The following CEP250 variants were observed in gnomAD, a reference collection of about 807,000 sequenced individuals.
The protein encoded by CEP250 is centrosomal protein 250.
CEP250 carries 242 observed loss-of-function variants against 315.7 expected under a neutral mutation model. The observed-to-expected ratio is 0.77, with a 90% CI of 0.69 to 0.85. The LOEUF (loss-of-function observed/expected upper bound fraction) is 0.85, where lower values mean the gene tolerates loss of function less well. Ranked by LOEUF, CEP250 falls within the 40% of genes least tolerant of loss-of-function variation. The pLI, the probability that CEP250 is intolerant of heterozygous loss-of-function variation, is 0.00. For synonymous variants in CEP250, 1,088 were observed against 1,175.0 expected, an observed-to-expected ratio of 0.93 and a Z score of 1.51; for missense variants, 2,515 against 2,886.4, an observed-to-expected ratio of 0.87 and a Z score of 2.95.
intron 34 of CEP250, 58 bp from the exon 35 acceptor site, chr20:35,511,305 G>C: frequency 6.9e-7 from 1 of 1,446,150 alleles, no homozygotes; most frequent in Non-Finnish European, 9.4e-7. Context: ...AGGAAGAGCT[G>C]GGACAACTTC....
chr20:35,507,984 C>G (rs779371018), intron 31 of CEP250, 51 bp from the exon 32 acceptor site: 1 of 1,611,432 alleles, frequency 6.2e-7, no homozygotes, highest in Non-Finnish European at 8.5e-7. Context: ...CTGTCTGTTC[C>G]CTACCTGTCT....
Position 35,480,070 on chromosome 20 carries a change from GC to G in CEP250, c.2512del (p.Gln838LysfsTer18), listed in dbSNP as rs757158876. The G allele has an allele frequency of 2.5e-6, 4 of 1,613,100 alleles. No homozygotes were observed. The Admixed American group carries it at 6.7e-5, about 27-fold the overall frequency. The stretch of plus-strand genomic sequence containing the variant: ...CAGCCAGACAGCTGGCCCAGGCTGA[GC>G]AAGAAGGGAAGACTGCCTTGGAGCA... ...AAARQLAQAE[Q>X]EGKTALEQQK... On this transcript the variant is annotated frameshift_variant, in exon 20 of 35. Coordinates refer to ENST00000397527, the MANE Select transcript of CEP250 (RefSeq NM_007186.6). LOFTEE classifies it high-confidence loss of function.
At chr20:35,458,959 TG>T (rs1194655108) in intron 2 of CEP250, among the ~76,000 whole-genome samples, 2 of 141,592 alleles carry the variant, frequency 1.4e-5, no homozygotes, top group East Asian at 4.1e-4. Context: ...TTTGCTATAA[TG>T]CAAATCTTTT....
intron 20 of CEP250, among the ~76,000 whole-genome samples, chr20:35,482,226 TA>T (rs1173247378): frequency 7.3e-6 from 1 of 137,604 alleles, no homozygotes; most frequent in Non-Finnish European, 1.6e-5. Flanking sequence ...TGTTTATTAT[TA>T]TTTTTTTGTT....
In CEP250 at chr20:35,504,052, G is replaced by T. The variant is rs1426007985; in HGVS notation, c.5683G>T (p.Glu1895Ter). Residue 1895 changes from glutamate (E) to a stop codon, truncating the protein, a stop_gained, in exon 30 of 35, where the codon GAG becomes TAG. Transcript: ENST00000397527. LOFTEE classifies it high-confidence loss of function. ...LEEVLGDLRA[E>*]SREQEKALLA... ...GGAGGTGCTGGGAGACCTAAGGGCT[G>T]AGTCTCGGGAACAGGAGAAAGCTCT... 1 of 1,606,262 alleles carries T rather than the reference G, an allele frequency of 6.2e-7. No homozygotes were observed.
At chr20:35,483,274 C>G (rs145889012) in intron 20 of CEP250, among the ~76,000 whole-genome samples, 8,180 of 151,008 alleles carry the variant, frequency 0.054, 297 homozygotes, top group Middle Eastern at 0.092. Context: ...GAGCTGAGAT[C>G]GCGCCATTAC....
Position 35,490,806 on chromosome 20 carries a change from TG to T in CEP250, c.2754+5del. On this transcript the variant is annotated splice_donor_region_variant and intron_variant, in intron 21 of 34. Transcript: ENST00000397527. ...CAGGCAGAGAGTGCCCTATGCCAGG[TG>T]GGAAGCTAGGAGGATTGGAGCTGCA... 1 of 1,611,920 alleles carries T rather than the reference TG, an allele frequency of 6.2e-7. No homozygotes were observed. The highest frequency in any genetic ancestry group is 8.5e-7 in the Non-Finnish European group (1 of 1,179,700).
At chr20:35,478,234 C>A in intron 17 of CEP250, 133 bp downstream of exon 17, 1 of 668,526 alleles carries the variant, frequency 1.5e-6, no homozygotes, top group Non-Finnish European at 2.6e-6. Context: ...TACTAGTTTG[C>A]AGTATATCTT....
chr20:35,514,604 A>G lies in CEP250; in HGVS notation c.*2978A>G, dbSNP rs962008308. ...GGACCTTTGCTGCTCTGCTTCCCACATGGGACTGCCAGCACCCTGAAGGCA... is the reference window on the plus strand; with the variant it reads ...GGACCTTTGCTGCTCTGCTTCCCACGTGGGACTGCCAGCACCCTGAAGGCA... On this transcript the variant is annotated 3_prime_UTR_variant, in exon 35 of 35. Coordinates refer to ENST00000397527, the MANE Select transcript of CEP250 (RefSeq NM_007186.6). 3.3e-5 allele frequency: 5 copies of G among 152,424 alleles called. No individual in the cohort carries two copies. The highest frequency in any genetic ancestry group is 4.8e-5 in the African/African-American group (2 of 41,548). 9.4% of individuals were successfully genotyped at this position (152,424 alleles called of 1,614,324 possible). A position where few individuals can be genotyped will look rare whatever the true frequency, so the allele number is the denominator to read the frequency against.
chr20:35,498,587 T>C lies in CEP250; in HGVS notation c.3656-8T>C. The C allele has an allele frequency of 6.2e-7, 1 of 1,605,168 alleles. No homozygotes were observed. The highest frequency in any genetic ancestry group is 8.5e-7 in the Non-Finnish European group (1 of 1,177,618). ...AGCCAGGTAAGGAGGTTTTCCTCAT[T>C]TTTTCAGACCAGAATGGAGCTAGGA... On this transcript the variant is annotated splice_polypyrimidine_tract_variant and splice_region_variant and intron_variant, in intron 26 of 34. Coordinates refer to ENST00000397527, the MANE Select transcript of CEP250 (RefSeq NM_007186.6).
chr20:35,480,000 A>G lies in CEP250; in HGVS notation c.2441A>G (p.Glu814Gly). 6.2e-7 allele frequency: 1 copy of G among 1,613,850 alleles called. No individual in the cohort carries two copies. Among genetic ancestry groups the G allele is most frequent in the Non-Finnish European group, 8.5e-7 (1 of 1,180,018 alleles). The stretch of plus-strand genomic sequence containing the variant: ...GGGGAAGTGAGGTGCCTGAAGCTGG[A>G]ACTGGACACTGAACGGAGTCAGGCA... ...IQGEVRCLKL[E>G]LDTERSQAEQ... The change falls in exon 20 of 35, where the codon GAA becomes GGA. Residue 814 changes from glutamate (E) to glycine (G), a missense_variant. Coordinates refer to ENST00000397527, the MANE Select transcript of CEP250 (RefSeq NM_007186.6).
intron 27 of CEP250, among the ~76,000 whole-genome samples, chr20:35,499,698 T>C (rs2063946826): frequency 1.3e-5 from 2 of 152,086 alleles, no homozygotes; most frequent in African/African-American, 4.8e-5. Flanking sequence ...TCATCCTGAT[T>C]TGGGAAGGGT....
Position 35,502,518 on chromosome 20 carries a change from G to C in CEP250, c.4149G>C (p.Thr1383=). Residue 1383 remains threonine, a synonymous_variant, in exon 30 of 35, where the codon ACG becomes ACC. Coordinates refer to ENST00000397527, the MANE Select transcript of CEP250 (RefSeq NM_007186.6). ...GCATCCTGGAAGAAGACCTGAGAAC[G>C]GCTCGCTCAGCACTGAAGCTGAAAA... The part of the protein sequence containing the change: ...AAGILEEDLR[T]ARSALKLKNE... The C allele has an allele frequency of 6.2e-7, 1 of 1,614,118 alleles. No individual in the cohort carries two copies. Among genetic ancestry groups the C allele is most frequent in the Non-Finnish European group, 8.5e-7 (1 of 1,180,010 alleles).
chr20:35,473,588 C>T (rs974187997), intron 13 of CEP250, 36 bp downstream of exon 13: 3 of 1,563,344 alleles, frequency 1.9e-6, no homozygotes, highest in Non-Finnish European at 8.7e-7. Context: ...CCCTCCCAGC[C>T]TGGTCTCAGT....
At chr20:35,455,200 C>T (rs1016059489), upstream of CEP250, 1 of 152,324 alleles carries the variant, frequency 6.6e-6, no homozygotes, top group Non-Finnish European at 1.5e-5. Flanking sequence ...AGCTCAATCG[C>T]GGAGCAACTA....
chr20:35,458,027 A>C (rs1364251375), intron 1 of CEP250, among the ~76,000 whole-genome samples: 1 of 152,214 alleles, frequency 6.6e-6, no homozygotes, highest in Non-Finnish European at 1.5e-5. Context: ...GTAAGAAACA[A>C]ATTATGTCTG....
intron 3 of CEP250, among the ~76,000 whole-genome samples, chr20:35,461,124 C>T (rs1379771295): frequency 6.6e-6 from 1 of 152,184 alleles, no homozygotes; most frequent in African/African-American, 2.4e-5. Context: ...GAAATTTCTA[C>T]TGTATGTGCA....
intron 30 of CEP250, among the ~76,000 whole-genome samples, chr20:35,507,439 T>G (rs1298393309): frequency 6.6e-6 from 1 of 152,188 alleles, no homozygotes; most frequent in Admixed American, 6.5e-5. Context: ...TCCATGCTGT[T>G]CCCACAGCAC....
In CEP250 at chr20:35,503,933, A is replaced by G. The variant is rs2064099695; in HGVS notation, c.5564A>G (p.Lys1855Arg). The G allele has an allele frequency of 6.2e-7, 1 of 1,613,702 alleles. No individual in the cohort carries two copies. Among genetic ancestry groups the G allele is most frequent in the African/African-American group, 1.3e-5 (1 of 74,932 alleles). Residue 1855 changes from lysine to arginine, a missense_variant, in exon 30 of 35, where the codon AAG becomes AGG. By Grantham distance (26) the Lys-to-Arg change is conservative. Coordinates refer to ENST00000397527, the MANE Select transcript of CEP250 (RefSeq NM_007186.6). The surrounding 1 kb of genome is among the most constrained non-coding windows in gnomAD (Gnocchi z 4.2). ...GALEQAHMTL[K>R]ERHGELQDHK... ...CTGGAGCAAGCCCATATGACACTGA[A>G]GGAGCGTCATGGAGAGCTTCAGGAC...
Sources: allele counts gnomAD v4.1 joint callset (sites outside exome capture counted in the v4.1 genomes callset), GRCh38; gene constraint gnomAD v4.1.1; non-coding constraint Gnocchi (gnomAD v3.1); transcripts MANE v1.5; gene names NCBI Gene and HGNC (gene_info 2026-07-23, HGNC 2026-07-21).